Variants in CAMK1D observed in about 807,000 individuals in gnomAD.
CAMK1D encodes the protein calcium/calmodulin-dependent protein kinase type 1D.
In CAMK1D, 9 loss-of-function variants were observed where a neutral mutation model predicts 47.7. The observed-to-expected ratio is 0.19, with a 90% CI of 0.11 to 0.33. The LOEUF (loss-of-function observed/expected upper bound fraction) is 0.33. Among genes scored for constraint, CAMK1D ranks in the 10% least tolerant of loss-of-function variants. The pLI, the probability that CAMK1D is intolerant of heterozygous loss-of-function variation, is 1.00. For missense variants in CAMK1D, 291 were observed against 488.7 expected (o/e 0.60, Z 3.81); for synonymous variants, 184 against 184.9 (o/e 0.99, Z 0.04).
chr10:12,700,298 C>T (rs1464393834), intron 3 of CAMK1D, among the ~76,000 whole-genome samples: 1 of 152,156 alleles, frequency 6.6e-6, no homozygotes, highest in African/African-American at 2.4e-5. Flanking sequence ...AACTTAGAAT[C>T]ATGGCAAAGG....
chr10:12,632,996 T>A (rs146064025), intron 2 of CAMK1D, among the ~76,000 whole-genome samples: 440 of 152,214 alleles, frequency 2.9e-3, no homozygotes, highest in Middle Eastern at 0.017. Flanking sequence ...CCTGGCTGAG[T>A]GTCCTGTCTT....
intron 1 of CAMK1D, among the ~76,000 whole-genome samples, chr10:12,408,585 G>A (rs1395372786): frequency 6.6e-6 from 1 of 152,160 alleles, no homozygotes; most frequent in East Asian, 1.9e-4. Context: ...TTTTCCTTGA[G>A]AATTGTTTCT....
At chr10:12,439,660 G>A (rs1832728517) in intron 1 of CAMK1D, among the ~76,000 whole-genome samples, 1 of 152,158 alleles carries the variant, frequency 6.6e-6, no homozygotes, top group African/African-American at 2.4e-5. Context: ...GGACTTACTT[G>A]TTTGTTCTGC....
intron 10 of CAMK1D, chr10:12,825,931 GT>G (rs1833192438): frequency 1.8e-6 from 1 of 557,820 alleles, no homozygotes; most frequent in Non-Finnish European, 3.1e-6. Context: ...GAGTTCAGGA[GT>G]TTTAAGACCA....
chr10:12,592,668 A>G (rs1030851232), intron 2 of CAMK1D, among the ~76,000 whole-genome samples: 1 of 152,210 alleles, frequency 6.6e-6, no homozygotes, highest in South Asian at 2.1e-4. Context: ...TCTCTTTGGT[A>G]TAAAAGAATT....
At chr10:12,466,321 T>C (rs911000878) in intron 1 of CAMK1D, among the ~76,000 whole-genome samples, 11 of 152,104 alleles carry the variant, frequency 7.2e-5, no homozygotes, top group Non-Finnish European at 4.4e-5. Flanking sequence ...GGCAGGAGAA[T>C]GGTGTGAACC....
chr10:12,747,609 T>C lies in CAMK1D; in HGVS notation c.300-13339T>C, dbSNP rs575945065. Among the ~76,000 whole-genome samples, 34 of 152,300 alleles carry C rather than the reference T, an allele frequency of 2.2e-4. No homozygotes were observed. In the South Asian group the frequency reaches 7.0e-3, roughly 32 times the overall value. ...TCCCAGAGTGCTAGGATTATAGGCATGAGCCACTGCACCTCTCCAGAAAGA... is the reference window on the plus strand; with the variant it reads ...TCCCAGAGTGCTAGGATTATAGGCACGAGCCACTGCACCTCTCCAGAAAGA... On this transcript the variant is annotated intron_variant, in intron 3 of 10. Coordinates refer to ENST00000619168, the MANE Select transcript of CAMK1D (RefSeq NM_153498.4).
intron 1 of CAMK1D, among the ~76,000 whole-genome samples, chr10:12,427,953 A>G (rs2399859): frequency 0.21 from 31,964 of 151,292 alleles, 3,637 homozygotes; most frequent in Admixed American, 0.32. Context: ...TGATCCTCCC[A>G]CCTTGGCCTG....
At chr10:12,646,495 G>C (rs767645111) in intron 2 of CAMK1D, among the ~76,000 whole-genome samples, 54 of 152,188 alleles carry the variant, frequency 3.5e-4, no homozygotes, top group Admixed American at 2.9e-3. Context: ...TTAAGAATGA[G>C]ACAGTCATAG....
At chr10:12,601,333 T>C (rs1838297634) in intron 2 of CAMK1D, among the ~76,000 whole-genome samples, 1 of 152,200 alleles carries the variant, frequency 6.6e-6, no homozygotes, top group Non-Finnish European at 1.5e-5. Flanking sequence ...CTGTATCTTA[T>C]GTGAAGATAG....
intron 2 of CAMK1D, among the ~76,000 whole-genome samples, chr10:12,630,388 T>TAA (rs1554800264): frequency 1.0e-3 from 143 of 142,326 alleles, no homozygotes; most frequent in African/African-American, 3.5e-3. Flanking sequence ...TTTTTTTTTT[T>TAA]AAAAAAAAGA....
At chr10:12,609,661 C>T (rs750600664) in intron 2 of CAMK1D, among the ~76,000 whole-genome samples, 3 of 152,134 alleles carry the variant, frequency 2.0e-5, no homozygotes, top group East Asian at 3.9e-4. Context: ...GGAGCTCAGG[C>T]GGTGATGCGG....
At chr10:12,672,179 T>G (rs910598292) in intron 3 of CAMK1D, among the ~76,000 whole-genome samples, 10 of 151,808 alleles carry the variant, frequency 6.6e-5, no homozygotes, top group African/African-American at 2.4e-4. Flanking sequence ...CCTCCCAAAA[T>G]GCTGGGATTA....
At chr10:12,586,778 A>T (rs1291080912) in intron 2 of CAMK1D, among the ~76,000 whole-genome samples, 2 of 152,234 alleles carry the variant, frequency 1.3e-5, no homozygotes, top group Non-Finnish European at 2.9e-5. Context: ...AAAATACGGG[A>T]TGGATGTAAT....
rs114163653 is a variant in CAMK1D at position 12,801,190 on chromosome 10, G to C, written c.641+9957G>C. 5.9e-3 allele frequency among the ~76,000 whole-genome samples: 892 copies of C among 152,068 alleles called. 4 individuals carry two copies. Among genetic ancestry groups the C allele is most frequent in the Middle Eastern group, 0.034 (10 of 294 alleles). On this transcript the variant is annotated intron_variant, in intron 6 of 10. Transcript: ENST00000619168. ...GGAAGCAGCATTTAATGATCACTAT[G>C]TCACTGGAACTTTCAGATGTTACAT...
intron 3 of CAMK1D, among the ~76,000 whole-genome samples, chr10:12,682,147 G>C (rs1251066502): frequency 6.6e-6 from 1 of 152,214 alleles, no homozygotes; most frequent in African/African-American, 2.4e-5. Flanking sequence ...GTGAACCCGG[G>C]AGGCGGAGCT....
At chr10:12,737,682 G>A (rs1245017159) in intron 3 of CAMK1D, among the ~76,000 whole-genome samples, 1 of 152,092 alleles carries the variant, frequency 6.6e-6, no homozygotes. Flanking sequence ...ATGTTCATTT[G>A]TATCGTTGAA....
intron 2 of CAMK1D, among the ~76,000 whole-genome samples, chr10:12,577,381 A>G (rs563418199): frequency 6.0e-4 from 91 of 152,316 alleles, no homozygotes; most frequent in Middle Eastern, 3.4e-3. Context: ...CTAGGCCTCC[A>G]GCCTGGATCT....
At chr10:12,363,778 C>T (rs1837754889) in intron 1 of CAMK1D, among the ~76,000 whole-genome samples, 1 of 151,770 alleles carries the variant, frequency 6.6e-6, no homozygotes, top group Middle Eastern at 3.2e-3. Context: ...AAGTGATTCC[C>T]CTGCCTCAGC....
Sources: allele counts gnomAD v4.1 joint callset (sites outside exome capture counted in the v4.1 genomes callset), GRCh38; gene constraint gnomAD v4.1.1; transcripts MANE v1.5; gene names NCBI Gene and HGNC (gene_info 2026-07-23, HGNC 2026-07-21).